The following PCDHGA8 variants were observed in gnomAD, a reference collection of about 807,000 sequenced individuals.
The protein encoded by PCDHGA8 is protocadherin gamma-A8.
PCDHGA8 carries 45 observed loss-of-function variants against 59.2 expected under a neutral mutation model. That is an observed-to-expected ratio of 0.76 (90% confidence interval 0.60 to 0.98). The LOEUF (loss-of-function observed/expected upper bound fraction) is 0.98, where lower values mean the gene tolerates loss of function less well. Ranked by LOEUF, PCDHGA8 falls within the 50% of genes least tolerant of loss-of-function variation. The probability of loss-of-function intolerance (pLI) is 0.00; values close to 1 mark genes in which losing one functional copy is unlikely to be tolerated. For synonymous variants in PCDHGA8, 531 were observed against 519.0 expected, an observed-to-expected ratio of 1.02 and a Z score of -0.32; for missense variants, 1,257 against 1,196.2, an observed-to-expected ratio of 1.05 and a Z score of -0.75.
At chr5:141,484,621 T>C (rs2099598239) in intron 1 of PCDHGA8, among the ~76,000 whole-genome samples, 1 of 152,058 alleles carries the variant, frequency 6.6e-6, no homozygotes, top group Admixed American at 6.6e-5. Flanking sequence ...CAACACTGGC[T>C]TGAACAAAGT....
At position 141,393,567 on chromosome 5, in the gene PCDHGA8, C is replaced by T. The variant is rs766591189; in HGVS notation, c.754C>T (p.Leu252Phe). 6 of 1,613,798 alleles carry T rather than the reference C, an allele frequency of 3.7e-6. No homozygotes were observed. The African/African-American group carries it at 6.7e-5, about 18-fold the overall frequency. Reference protein sequence around the residue: ...FPHPIYRVKVLENMPPGTRLL... With the variant: ...FPHPIYRVKVFENMPPGTRLL... ...TCACCCGATTTACCGAGTGAAAGTC[C>T]TTGAGAACATGCCCCCAGGCACGCG... Residue 252 changes from leucine to phenylalanine, a missense_variant, in exon 1 of 4, where the codon CTT (leucine) becomes TTT (phenylalanine). Physicochemically the swap from Leu to Phe is conservative, Grantham distance 22. Transcript: ENST00000398604.
At chr5:141,507,262 G>A (rs1294679320) in intron 3 of PCDHGA8, 6 of 151,748 alleles carry the variant, frequency 4.0e-5, no homozygotes, top group Non-Finnish European at 8.8e-5. Flanking sequence ...TAAACAGCAA[G>A]TACTATTTCA....
chr5:141,410,420 C>T (rs1426515605), intron 1 of PCDHGA8: 4 of 1,613,926 alleles, frequency 2.5e-6, no homozygotes, highest in Non-Finnish European at 3.4e-6. Flanking sequence ...ACCTGTAGTT[C>T]CCCCCAACTA....
At chr5:141,428,188 G>C (rs1023078587) in intron 1 of PCDHGA8, 1 of 1,433,232 alleles carries the variant, frequency 7.0e-7, no homozygotes, top group African/African-American at 1.4e-5. Flanking sequence ...GACAGCCGCC[G>C]CTCTCTGCGC....
chr5:141,478,599 T>A, intron 1 of PCDHGA8: 1 of 1,565,814 alleles, frequency 6.4e-7, no homozygotes, highest in Non-Finnish European at 8.7e-7. Flanking sequence ...TATTCCTACA[T>A]CATATTGAGG....
At position 141,409,955 on chromosome 5, in the gene PCDHGA8, G is replaced by A. The variant is rs946959934; in HGVS notation, c.2424+14718G>A. On this transcript the variant is annotated intron_variant, in intron 1 of 3. Coordinates refer to ENST00000398604, the MANE Select transcript of PCDHGA8 (RefSeq NM_032088.2). ...TATGGTACCTCGCTCTGCAGAGCCC[G>A]GCTACCTAGTGACTAAGGTGGTAGC... is the stretch of plus-strand genomic sequence containing the variant. The A allele has an allele frequency of 2.8e-5, 45 of 1,613,234 alleles. No individual in the cohort carries two copies. The highest frequency in any genetic ancestry group is 3.6e-5 in the Non-Finnish European group (42 of 1,179,814).
intron 1 of PCDHGA8, among the ~76,000 whole-genome samples, chr5:141,459,249 A>G (rs901058693): frequency 6.6e-6 from 1 of 152,218 alleles, no homozygotes; most frequent in Non-Finnish European, 1.5e-5. Flanking sequence ...TCCTGTCACT[A>G]TAAATTAGTG....
At chr5:141,404,600 CTG>C (rs2094545529) in intron 1 of PCDHGA8, 2 of 1,613,938 alleles carry the variant, frequency 1.2e-6, no homozygotes, top group Non-Finnish European at 1.7e-6. Context: ...GTCATTGAGA[CTG>C]TTTGTTTTGG....
Position 141,427,801 on chromosome 5 carries a change from G to T in PCDHGA8, c.2424+32564G>T, listed in dbSNP as rs755067099. On this transcript the variant is annotated intron_variant, in intron 1 of 3. Coordinates refer to ENST00000398604, the MANE Select transcript of PCDHGA8 (RefSeq NM_032088.2). ...GCACTGTCGTCCTACGTGTCCGTGA[G>T]CGCACAGAGCGGGGTGGTGGTCGCG... 6 of 1,510,138 alleles carry T rather than the reference G, an allele frequency of 4.0e-6. No homozygotes were observed. In the African/African-American group the frequency reaches 8.2e-5, roughly 21 times the overall value. 93.5% of individuals were successfully genotyped at this position (1,510,138 alleles called of 1,614,324 possible). A position where few individuals can be genotyped will look rare whatever the true frequency, so the allele number is the denominator to read the frequency against.
chr5:141,482,160 T>G (rs577572891), intron 1 of PCDHGA8, among the ~76,000 whole-genome samples: 1 of 151,854 alleles, frequency 6.6e-6, no homozygotes, highest in Admixed American at 6.6e-5. Context: ...GTCAAAGATA[T>G]GTAAGATTAA....
chr5:141,500,501 G>T (rs571735791), intron 2 of PCDHGA8, among the ~76,000 whole-genome samples: 6 of 152,176 alleles, frequency 3.9e-5, no homozygotes, highest in Non-Finnish European at 8.8e-5. Context: ...GAGCCACCGC[G>T]CCTGGCCGAG....
At position 141,486,038 on chromosome 5, in the gene PCDHGA8, G is replaced by T; in HGVS notation, c.2425-8769G>T. The stretch of plus-strand genomic sequence containing the variant: ...TTTCAGTGGTCATACCCCTGATCGT[G>T]TAAGAAACCTCTTTAGCCTGCACCC... On this transcript the variant is annotated intron_variant, in intron 1 of 3. Coordinates refer to ENST00000398604, the MANE Select transcript of PCDHGA8 (RefSeq NM_032088.2). This position sits in a 1 kb window ranked among gnomAD's most constrained non-coding sequence, Gnocchi z 5.0. The T allele has an allele frequency of 3.1e-6, 5 of 1,614,184 alleles. No individual in the cohort carries two copies. Among genetic ancestry groups the T allele is most frequent in the Non-Finnish European group, 4.2e-6 (5 of 1,180,018 alleles).
chr5:141,419,735 G>A (rs1013306543), intron 1 of PCDHGA8: 4 of 1,613,806 alleles, frequency 2.5e-6, no homozygotes, highest in Non-Finnish European at 3.4e-6. Flanking sequence ...AACAGGCGAG[G>A]TGCGCATGGT....
intron 1 of PCDHGA8, chr5:141,478,813 A>G (rs2099478658): frequency 4.8e-6 from 7 of 1,453,346 alleles, no homozygotes; most frequent in Non-Finnish European, 6.3e-6. Context: ...TGCTATCACA[A>G]CTAACCAATC....
At chr5:141,442,974 A>C (rs1444888648) in intron 1 of PCDHGA8, among the ~76,000 whole-genome samples, 1 of 152,176 alleles carries the variant, frequency 6.6e-6, no homozygotes, top group Non-Finnish European at 1.5e-5. Flanking sequence ...CTGGCTGATA[A>C]AGTTAGCCTA....
rs1223618064 is a variant in PCDHGA8 at position 141,512,867 on chromosome 5, C to T, written c.*1694C>T. On this transcript the variant is annotated 3_prime_UTR_variant, in exon 4 of 4. Transcript: ENST00000398604. The stretch of plus-strand genomic sequence containing the variant: ...ATAAGCGCTTCTCTTCGCATAGTCA[C>T]GTAGCTCCCACCCCACCCTCTTCCT... 1 of 152,184 alleles carries T rather than the reference C, an allele frequency of 6.6e-6. No homozygotes were observed. The highest frequency in any genetic ancestry group is 1.5e-5 in the Non-Finnish European group (1 of 68,056). The allele number at this position is 152,184 out of a possible 1,614,324, so 9.4% of individuals were successfully genotyped here. A position where few individuals can be genotyped will look rare whatever the true frequency, so the allele number is the denominator to read the frequency against.
chr5:141,486,408 C>T lies in PCDHGA8; in HGVS notation c.2425-8399C>T. On this transcript the variant is annotated intron_variant, in intron 1 of 3. Coordinates refer to ENST00000398604, the MANE Select transcript of PCDHGA8 (RefSeq NM_032088.2). This position sits in a 1 kb window ranked among gnomAD's most constrained non-coding sequence, Gnocchi z 5.0. ...CAGTTCTCCCTGGTGACTGCTGGAC[C>T]CTTGGATCGAGAGGCCAAATCTAGC... is the stretch of plus-strand genomic sequence containing the variant. The T allele has an allele frequency of 1.2e-6, 2 of 1,614,156 alleles. No individual in the cohort carries two copies. Among genetic ancestry groups the T allele is most frequent in the South Asian group, 2.2e-5 (2 of 91,084 alleles).
rs768206517 is a variant in PCDHGA8, at chr5:141,432,482, G to A, written c.2424+37245G>A. 10 of 1,614,060 alleles carry A rather than the reference G, an allele frequency of 6.2e-6. No homozygotes were observed. The highest frequency in any genetic ancestry group is 1.3e-5 in the African/African-American group (1 of 74,946). On this transcript the variant is annotated intron_variant, in intron 1 of 3. Coordinates refer to ENST00000398604, the MANE Select transcript of PCDHGA8 (RefSeq NM_032088.2). The surrounding 1 kb of genome is among the most constrained non-coding windows in gnomAD (Gnocchi z 6.0). ...CCTCCCCACGGACGGTTCCACTGGC[G>A]TGGAGCTGGCTCCCCGCTCCGCAGA...
Position 141,395,254 on chromosome 5 carries a change from G to T in PCDHGA8, c.2424+17G>T. 1 of 1,556,766 alleles carries T rather than the reference G, an allele frequency of 6.4e-7. No individual in the cohort carries two copies. The highest frequency in any genetic ancestry group is 8.7e-7 in the Non-Finnish European group (1 of 1,151,390). On this transcript the variant is annotated intron_variant, in intron 1 of 3. Coordinates refer to ENST00000398604, the MANE Select transcript of PCDHGA8 (RefSeq NM_032088.2). Reference sequence around the variant, plus strand: ...CATGGTCAGGTGAGTTTAGTTCTTTGCTTGCTTTTAATTTCCAGATGAATT... The same window carrying T: ...CATGGTCAGGTGAGTTTAGTTCTTTTCTTGCTTTTAATTTCCAGATGAATT...
Sources: allele counts gnomAD v4.1 joint callset (sites outside exome capture counted in the v4.1 genomes callset), GRCh38; gene constraint gnomAD v4.1.1; non-coding constraint Gnocchi (gnomAD v3.1); transcripts MANE v1.5; gene names NCBI Gene and HGNC (gene_info 2026-07-23, HGNC 2026-07-21).